EBF1: variants seen among roughly 807,000 people sequenced by gnomAD.
EBF1 encodes the protein transcription factor COE1.
In EBF1, 10 loss-of-function variants were observed where a neutral mutation model predicts 68.4. That is an observed-to-expected ratio of 0.15 (90% confidence interval 0.09 to 0.25). The LOEUF (loss-of-function observed/expected upper bound fraction) is 0.25, where lower values mean the gene tolerates loss of function less well. Ranked by LOEUF, EBF1 falls within the 10% of genes least tolerant of loss-of-function variation. EBF1 has a pLI of 1.00. For missense variants in EBF1, 509 were observed against 794.4 expected, an observed-to-expected ratio of 0.64 and a Z score of 4.32; for synonymous variants, 298 against 299.8, an observed-to-expected ratio of 0.99 and a Z score of 0.06.
At chr5:158,849,393 C>T (rs893211940) in intron 6 of EBF1, among the ~76,000 whole-genome samples, 1 of 152,188 alleles carries the variant, frequency 6.6e-6, no homozygotes, top group Non-Finnish European at 1.5e-5. Flanking sequence ...TGAAATGCCT[C>T]CCTCACTCCC....
intron 6 of EBF1, among the ~76,000 whole-genome samples, chr5:158,878,413 A>T (rs924772004): frequency 6.6e-6 from 1 of 152,166 alleles, no homozygotes; most frequent in African/African-American, 2.4e-5. Context: ...TGGTGTTATG[A>T]CTTCCACATA....
At chr5:158,722,304 G>A (rs529844522) in intron 11 of EBF1, among the ~76,000 whole-genome samples, 19 of 152,282 alleles carry the variant, frequency 1.2e-4, no homozygotes, top group Middle Eastern at 3.4e-3. Flanking sequence ...CCTTTAAGTC[G>A]CCAAGGCCTG....
intron 6 of EBF1, among the ~76,000 whole-genome samples, chr5:158,973,923 C>G: frequency 6.6e-6 from 1 of 152,170 alleles, no homozygotes; most frequent in Non-Finnish European, 1.5e-5. Context: ...AGTCTTTTGC[C>G]ACCACCTTGT....
chr5:159,002,151 C>T (rs1762662896), intron 6 of EBF1, among the ~76,000 whole-genome samples: 5 of 147,484 alleles, frequency 3.4e-5, no homozygotes, highest in African/African-American at 7.7e-5. Flanking sequence ...CCACCCTCCC[C>T]CAAGCCTTTT....
chr5:158,944,194 T>A (rs1163291594), intron 6 of EBF1, among the ~76,000 whole-genome samples: 2 of 152,192 alleles, frequency 1.3e-5, no homozygotes. Context: ...CTACATTAGT[T>A]TCTCCTAATG....
In EBF1 at chr5:159,075,746, G is replaced by C. The variant is rs1444683877; in HGVS notation, c.486-2282C>G. ...TTTTAATGGCTTCCCACTGCACTTA[G>C]AACAAATCCATGACATGACATGATA... On this transcript the variant is annotated intron_variant, in intron 5 of 15. Transcript: ENST00000313708. 2.0e-5 allele frequency among the ~76,000 whole-genome samples: 3 copies of C among 152,152 alleles called. No homozygotes were observed. The East Asian group carries it at 5.8e-4, about 29-fold the overall frequency.
chr5:159,044,766 T>C (rs565011853), intron 6 of EBF1, among the ~76,000 whole-genome samples: 4 of 152,368 alleles, frequency 2.6e-5, no homozygotes, highest in Non-Finnish European at 5.9e-5. Context: ...TAGTGTAATA[T>C]AAAGAGTGTA....
intron 11 of EBF1, among the ~76,000 whole-genome samples, chr5:158,722,592 A>G (rs1441433702): frequency 6.6e-6 from 1 of 152,226 alleles, no homozygotes; most frequent in African/African-American, 2.4e-5. Context: ...TAGATACATA[A>G]GGGAGGCAAA....
At chr5:158,845,636 G>C (rs532557987) in intron 6 of EBF1, among the ~76,000 whole-genome samples, 7 of 149,870 alleles carry the variant, frequency 4.7e-5, no homozygotes, top group Non-Finnish European at 1.0e-4. Flanking sequence ...AAATGTTAAG[G>C]TCAAGAAAAG....
At chr5:158,906,130 G>A (rs962805776) in intron 6 of EBF1, among the ~76,000 whole-genome samples, 7 of 151,872 alleles carry the variant, frequency 4.6e-5, no homozygotes, top group African/African-American at 1.5e-4. Context: ...GAGGGATAAA[G>A]GTAGACTCAA....
At chr5:158,846,435 T>C (rs1027510065) in intron 6 of EBF1, among the ~76,000 whole-genome samples, 1 of 152,050 alleles carries the variant, frequency 6.6e-6, no homozygotes, top group Non-Finnish European at 1.5e-5. Flanking sequence ...ATCTCCCAAA[T>C]TGAAAATATT....
intron 6 of EBF1, among the ~76,000 whole-genome samples, chr5:158,872,482 G>A (rs1434086457): frequency 1.3e-5 from 2 of 152,182 alleles, no homozygotes; most frequent in Non-Finnish European, 2.9e-5. Context: ...TTACAGGCGT[G>A]AGCCACTGCA....
At chr5:158,725,476 G>C (rs1762806187) in intron 11 of EBF1, among the ~76,000 whole-genome samples, 1 of 152,262 alleles carries the variant, frequency 6.6e-6, no homozygotes, top group South Asian at 2.1e-4. Context: ...TTTGAGGGCA[G>C]TTATAGGCAA....
intron 6 of EBF1, among the ~76,000 whole-genome samples, chr5:158,963,381 T>C (rs1753442055): frequency 6.6e-6 from 1 of 152,252 alleles, no homozygotes; most frequent in Admixed American, 6.5e-5. Flanking sequence ...TTTCATCTCC[T>C]ACATTGGATG....
At chr5:158,999,135 T>C (rs1374524010) in intron 6 of EBF1, among the ~76,000 whole-genome samples, 1 of 152,120 alleles carries the variant, frequency 6.6e-6, no homozygotes, top group African/African-American at 2.4e-5. Context: ...GCCATATTGA[T>C]GGCTCTTACC....
At chr5:158,859,931 G>T (rs1366790111) in intron 6 of EBF1, among the ~76,000 whole-genome samples, 1 of 152,180 alleles carries the variant, frequency 6.6e-6, no homozygotes, top group Non-Finnish European at 1.5e-5. Flanking sequence ...TGAAGGGAAC[G>T]TATTTTATAC....
chr5:158,748,164 GT>G (rs1421653057), intron 10 of EBF1, among the ~76,000 whole-genome samples: 2 of 152,190 alleles, frequency 1.3e-5, no homozygotes, highest in Admixed American at 6.5e-5. Context: ...TAAGACATAT[GT>G]TTTAAAAGGG....
intron 8 of EBF1, among the ~76,000 whole-genome samples, chr5:158,803,322 C>T (rs1780958697): frequency 6.6e-6 from 1 of 151,060 alleles, no homozygotes; most frequent in South Asian, 2.1e-4. Flanking sequence ...ATCTCTTCCT[C>T]CTGCTCGATC....
chr5:159,088,542 G>A (rs1426238791), intron 4 of EBF1, among the ~76,000 whole-genome samples: 1 of 152,126 alleles, frequency 6.6e-6, no homozygotes, highest in Non-Finnish European at 1.5e-5. Context: ...GGTTGGGGTT[G>A]GATCAGCTGG....
Sources: allele counts gnomAD v4.1 joint callset (sites outside exome capture counted in the v4.1 genomes callset), GRCh38; gene constraint gnomAD v4.1.1; transcripts MANE v1.5; gene names NCBI Gene and HGNC (gene_info 2026-07-23, HGNC 2026-07-21).